The following KCNQ5 variants were observed in gnomAD, a reference collection of about 807,000 sequenced individuals.
KCNQ5 encodes potassium voltage-gated channel subfamily Q member 5.
KCNQ5 carries 30 observed loss-of-function variants against 98.2 expected under a neutral mutation model. The ratio of observed to expected loss-of-function variants is 0.31; its 90% confidence interval spans 0.23 to 0.41. The LOEUF (loss-of-function observed/expected upper bound fraction) is 0.41. Ranked by LOEUF, KCNQ5 falls within the 10% of genes least tolerant of loss-of-function variation. The pLI is 1.00. For synonymous variants in KCNQ5, 458 were observed against 449.4 expected (o/e 1.02, Z -0.24); for missense variants, 835 against 1,182.5 (o/e 0.71, Z 4.31).
chr6:72,958,428 A>T (rs1180103865), intron 1 of KCNQ5, among the ~76,000 whole-genome samples: 3 of 152,210 alleles, frequency 2.0e-5, no homozygotes, highest in African/African-American at 2.4e-5. Flanking sequence ...GTCTAGCCCC[A>T]GACACCCATT....
At chr6:72,988,079 G>A (rs112844543) in intron 1 of KCNQ5, among the ~76,000 whole-genome samples, 162 of 152,290 alleles carry the variant, frequency 1.1e-3, no homozygotes, top group African/African-American at 3.8e-3. Context: ...GAACAAGTGA[G>A]TGGCTAAAAC....
chr6:73,105,467 A>C, intron 6 of KCNQ5, 100 bp downstream of exon 6: 3 of 558,338 alleles, frequency 5.4e-6, no homozygotes, highest in Non-Finnish European at 6.2e-6. Context: ...TATCTATATC[A>C]TTTACAAATA....
chr6:72,647,363 A>G (rs1765645432), intron 1 of KCNQ5, among the ~76,000 whole-genome samples: 1 of 152,106 alleles, frequency 6.6e-6, no homozygotes, highest in Non-Finnish European at 1.5e-5. Flanking sequence ...GTGTAAGGTA[A>G]AGTTGTGAGG....
rs546835876 is a variant in KCNQ5 at position 73,194,694 on chromosome 6, G to T, written c.2079G>T (p.Thr693=). 2.5e-6 allele frequency: 4 copies of T among 1,614,108 alleles called. No homozygotes were observed. Among genetic ancestry groups the T allele is most frequent in the African/African-American group, 2.7e-5 (2 of 74,934 alleles). The change falls in exon 14 of 14, where the codon ACG becomes ACT. Residue 693 remains threonine (T), a synonymous_variant. Coordinates refer to ENST00000370398, the MANE Select transcript of KCNQ5 (RefSeq NM_019842.4). ...CGAGAGGCCTGCAGTTCATTCTGAC[G>T]CCAAATGAGTTCAGTGCCCAGACTT... ...NISRGLQFIL[T]PNEFSAQTFY...
At chr6:72,726,356 G>T (rs1476324844) in intron 1 of KCNQ5, among the ~76,000 whole-genome samples, 1 of 151,802 alleles carries the variant, frequency 6.6e-6, no homozygotes, top group Non-Finnish European at 1.5e-5. Context: ...GACTACAGGT[G>T]CCCACCACCA....
chr6:73,081,318 G>C (rs1404365029), intron 5 of KCNQ5, among the ~76,000 whole-genome samples: 2 of 152,112 alleles, frequency 1.3e-5, no homozygotes, highest in Non-Finnish European at 2.9e-5. Context: ...TTGTTGGATA[G>C]AGCTCCATTT....
At chr6:72,980,217 G>C (rs1287780945) in intron 1 of KCNQ5, among the ~76,000 whole-genome samples, 1 of 152,168 alleles carries the variant, frequency 6.6e-6, no homozygotes, top group Non-Finnish European at 1.5e-5. Context: ...TCTAAAGAAA[G>C]TCACTGGTAG....
intron 2 of KCNQ5, among the ~76,000 whole-genome samples, chr6:73,015,378 A>T (rs975933862): frequency 1.3e-5 from 2 of 152,164 alleles, no homozygotes; most frequent in Non-Finnish European, 2.9e-5. Flanking sequence ...CCTACACTGA[A>T]CCTTAACAGA....
intron 3 of KCNQ5, among the ~76,000 whole-genome samples, chr6:73,045,984 G>A (rs1158325554): frequency 2.0e-5 from 3 of 151,656 alleles, no homozygotes; most frequent in African/African-American, 7.3e-5. Context: ...GGACAAAAGA[G>A]GAATAAAATA....
intron 1 of KCNQ5, among the ~76,000 whole-genome samples, chr6:72,877,879 C>A (rs1026240098): frequency 1.3e-5 from 2 of 152,228 alleles, no homozygotes; most frequent in Non-Finnish European, 2.9e-5. Context: ...TTACCACAGA[C>A]TCCTTGAATT....
intron 2 of KCNQ5, among the ~76,000 whole-genome samples, chr6:73,039,417 T>C (rs570649187): frequency 1.3e-5 from 2 of 152,166 alleles, no homozygotes; most frequent in Non-Finnish European, 2.9e-5. Flanking sequence ...ACTCAGATTA[T>C]TAATATGAGA....
chr6:73,130,175 G>C (rs981918683), intron 9 of KCNQ5, among the ~76,000 whole-genome samples: 3 of 152,206 alleles, frequency 2.0e-5, no homozygotes, highest in Non-Finnish European at 2.9e-5. Context: ...CCTGAGGCGA[G>C]AATTTGTAGA....
chr6:72,704,373 G>T (rs564000303), intron 1 of KCNQ5, among the ~76,000 whole-genome samples: 1 of 151,926 alleles, frequency 6.6e-6, no homozygotes, highest in African/African-American at 2.4e-5. Context: ...CAATGTGCAT[G>T]CTCTCTTTGT....
chr6:73,109,486 C>G lies in KCNQ5; in HGVS notation c.1030-1822C>G, dbSNP rs553189066. 6.4e-4 allele frequency among the ~76,000 whole-genome samples: 98 copies of G among 152,148 alleles called. 1 individual carries two copies. The highest frequency in any genetic ancestry group is 2.3e-3 in the African/African-American group (97 of 41,508). On this transcript the variant is annotated intron_variant, in intron 6 of 13. Coordinates refer to ENST00000370398, the MANE Select transcript of KCNQ5 (RefSeq NM_019842.4). ...GCCAGAAATTTTGGTATTTCATATT[C>G]TCTTACATGTCTACACTTTATGAAA...
chr6:72,867,260 A>T (rs565881120), intron 1 of KCNQ5, among the ~76,000 whole-genome samples: 12 of 152,364 alleles, frequency 7.9e-5, no homozygotes, highest in African/African-American at 2.9e-4. Context: ...CCTCTTTAAA[A>T]AAGTAATTGT....
At chr6:72,753,298 T>A (rs553577858) in intron 1 of KCNQ5, among the ~76,000 whole-genome samples, 3 of 152,220 alleles carry the variant, frequency 2.0e-5, no homozygotes, top group Non-Finnish European at 4.4e-5. Context: ...TTTCTTATAT[T>A]TTTGAGTTGG....
At chr6:72,790,607 C>A (rs1388535329) in intron 1 of KCNQ5, among the ~76,000 whole-genome samples, 2 of 152,014 alleles carry the variant, frequency 1.3e-5, no homozygotes, top group Non-Finnish European at 2.9e-5. Flanking sequence ...GTTAGTGCAA[C>A]AGGGTGACTA....
intron 1 of KCNQ5, among the ~76,000 whole-genome samples, chr6:72,697,530 T>C (rs979466707): frequency 6.6e-6 from 1 of 152,086 alleles, no homozygotes. Flanking sequence ...CAAACTGTAA[T>C]CCAAGATGAA....
At chr6:72,711,093 G>A (rs961299905) in intron 1 of KCNQ5, among the ~76,000 whole-genome samples, 31 of 152,086 alleles carry the variant, frequency 2.0e-4, no homozygotes, top group African/African-American at 7.5e-4. Flanking sequence ...TTTGGAAATA[G>A]GGACTTTAAA....
Sources: allele counts gnomAD v4.1 joint callset (sites outside exome capture counted in the v4.1 genomes callset), GRCh38; gene constraint gnomAD v4.1.1; transcripts MANE v1.5; gene names NCBI Gene and HGNC (gene_info 2026-07-23, HGNC 2026-07-21).